POLR3B: variants seen among roughly 807,000 people sequenced by gnomAD.
The protein encoded by POLR3B is DNA-directed RNA polymerase III subunit RPC2.
In POLR3B, 96 loss-of-function variants were observed where a neutral mutation model predicts 147.4. The observed-to-expected ratio is 0.65, with a 90% CI of 0.55 to 0.77. The LOEUF is 0.77. POLR3B is among the 30% of genes least tolerant of loss of function. The pLI is 0.00. For synonymous variants in POLR3B, 461 were observed against 485.9 expected, an observed-to-expected ratio of 0.95 and a Z score of 0.67; for missense variants, 1,036 against 1,413.5, an observed-to-expected ratio of 0.73 and a Z score of 4.28.
In POLR3B at chr12:106,415,374, A is replaced by G. The variant is rs534634614; in HGVS notation, c.1101+4414A>G. Among the ~76,000 whole-genome samples, 19 of 152,304 alleles carry G rather than the reference A, an allele frequency of 1.2e-4. No homozygotes were observed. In the East Asian group the frequency reaches 2.1e-3, roughly 17 times the overall value. ...ATCATCTTTTAGGAATTTAGAGTCT[A>G]TGTTGTTGGTGACAATTCTACTTAT... On this transcript the variant is annotated intron_variant, in intron 12 of 27. Transcript: ENST00000228347.
At position 106,426,167 on chromosome 12, in the gene POLR3B, G is replaced by A. The variant is rs927325629; in HGVS notation, c.1102-1030G>A. ...GGGAGCTGATTAGGCATTCATACTC[G>A]TGGGCACTACCTTAGACCTACTAAG... On this transcript the variant is annotated intron_variant, in intron 12 of 27. Coordinates refer to ENST00000228347, the MANE Select transcript of POLR3B (RefSeq NM_018082.6). Among the ~76,000 whole-genome samples, 6 of 151,510 alleles carry A rather than the reference G, an allele frequency of 4.0e-5. No individual in the cohort carries two copies. The East Asian group carries it at 5.8e-4, about 15-fold the overall frequency.
chr12:106,364,529 G>A (rs897837864), intron 2 of POLR3B, among the ~76,000 whole-genome samples: 2 of 152,212 alleles, frequency 1.3e-5, no homozygotes, highest in African/African-American at 4.8e-5. Flanking sequence ...AGCCACTTTG[G>A]AAAACAGGCT....
chr12:106,357,826 G>A lies in POLR3B; in HGVS notation c.-54G>A. 6.4e-7 allele frequency: 1 copy of A among 1,556,770 alleles called. No individual in the cohort carries two copies. The highest frequency in any genetic ancestry group is 8.8e-7 in the Non-Finnish European group (1 of 1,137,746). ...CCGGGAGTCTTGCAGTTTGCTTGGT[G>A]CAGGGAAGGCGGGCGCGGAGGTTCT... is the stretch of plus-strand genomic sequence containing the variant. On this transcript the variant is annotated 5_prime_UTR_variant, in exon 1 of 28. Coordinates refer to ENST00000228347, the MANE Select transcript of POLR3B (RefSeq NM_018082.6).
At chr12:106,363,747 G>T (rs2036497087) in intron 1 of POLR3B, 123 bp from the exon 2 acceptor site, 1 of 832,390 alleles carries the variant, frequency 1.2e-6, no homozygotes, top group Admixed American at 2.0e-5. Context: ...CCATAAAAAT[G>T]TTTAAAAATT....
intron 14 of POLR3B, 110 bp downstream of exon 14, chr12:106,430,583 C>A: frequency 1.2e-6 from 1 of 803,546 alleles, no homozygotes; most frequent in Non-Finnish European, 2.1e-6. Context: ...CATATCCTTT[C>A]TTTGGTCTGT....
intron 12 of POLR3B, among the ~76,000 whole-genome samples, chr12:106,414,630 C>T (rs1323957047): frequency 5.3e-5 from 8 of 152,124 alleles, no homozygotes; most frequent in Non-Finnish European, 1.2e-4. Context: ...TACTCCCTAC[C>T]ATGGCTTCAC....
intron 23 of POLR3B, among the ~76,000 whole-genome samples, chr12:106,486,058 G>C (rs1243343301): frequency 6.6e-6 from 1 of 152,020 alleles, no homozygotes; most frequent in East Asian, 1.9e-4. Flanking sequence ...GGGAGGCCGA[G>C]GCGGGCAGAT....
At chr12:106,393,455 T>C (rs892940612) in intron 10 of POLR3B, among the ~76,000 whole-genome samples, 4 of 151,702 alleles carry the variant, frequency 2.6e-5, no homozygotes, top group Non-Finnish European at 5.9e-5. Context: ...AGTGATAATA[T>C]ACTTTTTAAA....
chr12:106,409,019 C>T (rs970260351), intron 11 of POLR3B, among the ~76,000 whole-genome samples: 3 of 152,120 alleles, frequency 2.0e-5, no homozygotes, highest in African/African-American at 7.2e-5. Context: ...TTTATTTCTA[C>T]TTATAAATGT....
Position 106,393,011 on chromosome 12 carries a change from A to C in POLR3B, c.724-20A>C. 6.2e-7 allele frequency: 1 copy of C among 1,614,006 alleles called. No homozygotes were observed. Among genetic ancestry groups the C allele is most frequent in the Non-Finnish European group, 8.5e-7 (1 of 1,179,884 alleles). On this transcript the variant is annotated intron_variant, in intron 9 of 27. Coordinates refer to ENST00000228347, the MANE Select transcript of POLR3B (RefSeq NM_018082.6). ...TTAACACAAAGCCAACACTCTTTCT[A>C]TCTTTTCTTTCCTTCCTAGGCCATG...
Position 106,504,069 on chromosome 12 carries a change from C to A in POLR3B, c.3099-12C>A. On this transcript the variant is annotated splice_polypyrimidine_tract_variant and intron_variant, in intron 26 of 27. Transcript: ENST00000228347. This position sits in a 1 kb window ranked among gnomAD's most constrained non-coding sequence, Gnocchi z 4.6. Reference sequence around the variant, plus strand: ...GAATAATAACACATTTGTCTAATAACTTGTTTCAAAGGCAACCCACTGAAG... The same window carrying A: ...GAATAATAACACATTTGTCTAATAAATTGTTTCAAAGGCAACCCACTGAAG... 2 of 1,612,744 alleles carry A rather than the reference C, an allele frequency of 1.2e-6. No homozygotes were observed. Among genetic ancestry groups the A allele is most frequent in the Non-Finnish European group, 1.7e-6 (2 of 1,178,738 alleles).
At chr12:106,465,252 A>T (rs989566979) in intron 23 of POLR3B, among the ~76,000 whole-genome samples, 2 of 152,172 alleles carry the variant, frequency 1.3e-5, no homozygotes, top group African/African-American at 2.4e-5. Flanking sequence ...TTGGCCTCCT[A>T]CTTGGACAAG....
intron 27 of POLR3B, among the ~76,000 whole-genome samples, chr12:106,506,631 T>C (rs2038692516): frequency 1.3e-5 from 2 of 152,244 alleles, no homozygotes; most frequent in Admixed American, 1.3e-4. Flanking sequence ...TTGAAGCGTA[T>C]GTATTCCGTG....
chr12:106,417,286 G>T (rs1014151370), intron 12 of POLR3B, among the ~76,000 whole-genome samples: 13 of 152,192 alleles, frequency 8.5e-5, no homozygotes, highest in Admixed American at 7.2e-4. Context: ...TGAATTTAGG[G>T]ACTGGAGGAA....
chr12:106,474,364 ATGATGCTGGC>A (rs2038133382), intron 23 of POLR3B, among the ~76,000 whole-genome samples: 1 of 104,706 alleles, frequency 9.6e-6, no homozygotes, highest in Non-Finnish European at 1.9e-5. Flanking sequence ...TGGTATCAGA[ATGATGCTGGC>A]CTCATAAAAT....
intron 14 of POLR3B, among the ~76,000 whole-genome samples, chr12:106,431,045 A>G (rs2037503660): frequency 6.6e-6 from 1 of 152,164 alleles, no homozygotes; most frequent in Admixed American, 6.5e-5. Context: ...ACTTGATTCT[A>G]TTCCTTCTAA....
intron 19 of POLR3B, among the ~76,000 whole-genome samples, chr12:106,445,571 A>G (rs78600027): frequency 0.016 from 2,463 of 152,210 alleles, 69 homozygotes; most frequent in African/African-American, 0.056. Flanking sequence ...TAATACAGAG[A>G]GAATACCAGT....
chr12:106,408,440 T>C (rs1338675616), intron 11 of POLR3B, among the ~76,000 whole-genome samples: 1 of 152,178 alleles, frequency 6.6e-6, no homozygotes, highest in Non-Finnish European at 1.5e-5. Flanking sequence ...TTGTAAGAAA[T>C]ACTTGAACTC....
rs908164425 is a variant in POLR3B at position 106,427,392 on chromosome 12, A to G, written c.1263+34A>G. 3 of 1,581,832 alleles carry G rather than the reference A, an allele frequency of 1.9e-6. No individual in the cohort carries two copies. The South Asian group carries it at 3.3e-5, about 18-fold the overall frequency. Reference sequence around the variant, plus strand: ...TCAGTCACTCTTTTAGGATTTTGTAATTTATTTGTAAACCTATTCAATAGA... The same window carrying G: ...TCAGTCACTCTTTTAGGATTTTGTAGTTTATTTGTAAACCTATTCAATAGA... On this transcript the variant is annotated intron_variant, in intron 13 of 27. Coordinates refer to ENST00000228347, the MANE Select transcript of POLR3B (RefSeq NM_018082.6).
Sources: gnomAD v4.1 joint callset for allele counts (sites outside exome capture counted in the v4.1 genomes callset) on GRCh38, gnomAD v4.1.1 for gene constraint, Gnocchi (gnomAD v3.1) non-coding constraint, MANE v1.5 for transcripts, NCBI Gene and HGNC (gene_info 2026-07-23, HGNC 2026-07-21) for gene names.